DNAH12: variants seen among roughly 807,000 people sequenced by gnomAD.
The protein encoded by DNAH12 is dynein axonemal heavy chain 12.
Under a neutral mutation model 371.5 loss-of-function variants are expected in DNAH12, and 285 were observed. The observed-to-expected ratio is 0.77, with a 90% confidence interval of 0.70 to 0.85. DNAH12 has a LOEUF of 0.85. Among genes scored for constraint, DNAH12 ranks in the 40% least tolerant of loss-of-function variants. DNAH12 has a pLI of 0.00. For missense variants in DNAH12, 3,611 were observed against 3,689.4 expected, an observed-to-expected ratio of 0.98 and a Z score of 0.55; for synonymous variants, 1,200 against 1,213.0, an observed-to-expected ratio of 0.99 and a Z score of 0.22.
chr3:57,526,553 A>ACC lies in DNAH12; in HGVS notation c.171-2670_171-2669insGG, dbSNP rs1491283278. ...TTTTTTTTTTTTTTTTTTTTGAGAC[A>ACC]GAGTCTGGCTCTGTTGCCAGGCTGG... On this transcript the variant is annotated intron_variant, in intron 2 of 73. Transcript: ENST00000495027. 2.0e-4 allele frequency among the ~76,000 whole-genome samples: 28 copies of ACC among 140,948 alleles called. No individual in the cohort carries two copies. The East Asian group carries it at 4.5e-3, about 23-fold the overall frequency. 92.5% of individuals were successfully genotyped at this position (140,948 alleles called of 152,430 possible).
At chr3:57,346,086 G>A (rs1233822379) in intron 60 of DNAH12, among the ~76,000 whole-genome samples, 2 of 152,150 alleles carry the variant, frequency 1.3e-5, no homozygotes, top group Non-Finnish European at 2.9e-5. Flanking sequence ...AAATGTTTGA[G>A]ATGATGGATA....
chr3:57,296,789 G>A (rs2061242221), intron 71 of DNAH12, 58 bp downstream of exon 71: 5 of 1,511,600 alleles, frequency 3.3e-6, no homozygotes, highest in East Asian at 2.5e-5. Flanking sequence ...ACATAAACTC[G>A]GTTTAAATAC....
chr3:57,452,493 C>G (rs2065785047), intron 25 of DNAH12, among the ~76,000 whole-genome samples: 1 of 152,076 alleles, frequency 6.6e-6, no homozygotes, highest in African/African-American at 2.4e-5. Flanking sequence ...TGTCCTAAGG[C>G]CCAAATGTAC....
At chr3:57,310,405 T>C (rs2061561013) in intron 67 of DNAH12, among the ~76,000 whole-genome samples, 2 of 152,212 alleles carry the variant, frequency 1.3e-5, no homozygotes, top group South Asian at 4.1e-4. Flanking sequence ...CCTCTTCTCC[T>C]GCTAATTTGT....
At chr3:57,476,065 T>C (rs1431118720) in intron 13 of DNAH12, among the ~76,000 whole-genome samples, 1 of 152,088 alleles carries the variant, frequency 6.6e-6, no homozygotes, top group Non-Finnish European at 1.5e-5. Flanking sequence ...GGATACAATA[T>C]GGAGTGGAAT....
chr3:57,309,056 A>G (rs2061532074), intron 69 of DNAH12, 95 bp downstream of exon 69: 2 of 976,884 alleles, frequency 2.0e-6, no homozygotes, highest in Middle Eastern at 3.4e-4. Context: ...CACCCTCAAA[A>G]TTTTCGCCGC....
chr3:57,517,835 C>T (rs2068254345), intron 4 of DNAH12, among the ~76,000 whole-genome samples: 1 of 151,770 alleles, frequency 6.6e-6, no homozygotes, highest in South Asian at 2.1e-4. Context: ...TCCCTTTCAG[C>T]TCAGGAGTGA....
intron 60 of DNAH12, among the ~76,000 whole-genome samples, chr3:57,350,963 T>A (rs561435786): frequency 1.3e-4 from 20 of 152,248 alleles, no homozygotes; most frequent in African/African-American, 4.6e-4. Context: ...CAGATTTTTT[T>A]AACAACAATA....
chr3:57,299,495 GT>G (rs139762284), intron 70 of DNAH12, among the ~76,000 whole-genome samples: 25 of 150,134 alleles, frequency 1.7e-4, no homozygotes, highest in Non-Finnish European at 2.8e-4. Context: ...TGTGCAAAAA[GT>G]TTTTTTTTTA....
intron 36 of DNAH12, 27 bp from the exon 37 acceptor site, chr3:57,419,545 A>G: frequency 7.2e-7 from 1 of 1,394,126 alleles, no homozygotes; most frequent in Non-Finnish European, 9.4e-7. Flanking sequence ...GTTTTAAAAT[A>G]TTAAAACCAT....
chr3:57,410,868 C>T (rs904781664), intron 39 of DNAH12, among the ~76,000 whole-genome samples: 1 of 150,296 alleles, frequency 6.7e-6, no homozygotes, highest in African/African-American at 2.4e-5. Context: ...ATAAAGGTAA[C>T]TTCCTCAACT....
chr3:57,548,114 G>T (rs1401428846), upstream of DNAH12, among the ~76,000 whole-genome samples: 1 of 152,068 alleles, frequency 6.6e-6, no homozygotes, highest in Admixed American at 6.6e-5. Flanking sequence ...TTTTTCTGTA[G>T]TCTATAACAA....
intron 4 of DNAH12, among the ~76,000 whole-genome samples, chr3:57,518,823 C>T (rs1441564475): frequency 1.3e-5 from 2 of 152,078 alleles, no homozygotes; most frequent in African/African-American, 2.4e-5. Flanking sequence ...TTTTTTGACA[C>T]GTTGATTCTG....
intron 43 of DNAH12, among the ~76,000 whole-genome samples, chr3:57,397,441 T>G (rs1371601422): frequency 3.9e-5 from 6 of 152,176 alleles, no homozygotes; most frequent in African/African-American, 1.2e-4. Flanking sequence ...AGAAGAAATA[T>G]AGTTGAACTT....
intron 49 of DNAH12, among the ~76,000 whole-genome samples, 179 bp from the exon 50 acceptor site, chr3:57,382,572 GCA>G (rs1483216196): frequency 6.6e-6 from 1 of 150,654 alleles, no homozygotes; most frequent in Non-Finnish European, 1.5e-5. Context: ...AGAGAATTCA[GCA>G]CAGATTAAGA....
chr3:57,434,688 A>G (rs2065064739), intron 30 of DNAH12, among the ~76,000 whole-genome samples: 1 of 152,212 alleles, frequency 6.6e-6, no homozygotes, highest in Non-Finnish European at 1.5e-5. Context: ...ATGGACAATT[A>G]TTGTCATGCA....
chr3:57,517,252 A>T (rs2068233592), intron 4 of DNAH12, among the ~76,000 whole-genome samples: 1 of 152,206 alleles, frequency 6.6e-6, no homozygotes, highest in African/African-American at 2.4e-5. Flanking sequence ...TATTAAATGA[A>T]ATAGAAAAAT....
intron 60 of DNAH12, among the ~76,000 whole-genome samples, chr3:57,341,563 A>G (rs2062398774): frequency 6.6e-6 from 1 of 152,142 alleles, no homozygotes; most frequent in Non-Finnish European, 1.5e-5. Flanking sequence ...CTCTACAAGG[A>G]AAACTTAAAA....
intron 69 of DNAH12, among the ~76,000 whole-genome samples, chr3:57,303,159 G>A (rs2107659387): frequency 6.6e-6 from 1 of 151,410 alleles, no homozygotes; most frequent in African/African-American, 2.4e-5. Context: ...CTAACATGGT[G>A]AAACCCCATC....
Sources: allele counts gnomAD v4.1 joint callset (sites outside exome capture counted in the v4.1 genomes callset), GRCh38; gene constraint gnomAD v4.1.1; transcripts MANE v1.5; gene names NCBI Gene and HGNC (gene_info 2026-07-23, HGNC 2026-07-21).